TRPC5: variants seen among roughly 807,000 people sequenced by gnomAD.
The protein encoded by TRPC5 is transient receptor potential cation channel subfamily C member 5, also known as short transient receptor potential channel 5.
A neutral mutation model predicts 56.5 loss-of-function variants in TRPC5; 9 were observed. The ratio of observed to expected loss-of-function variants is 0.16; its 90% CI spans 0.10 to 0.28. TRPC5 has a LOEUF of 0.28. TRPC5 is among the 10% of genes least tolerant of loss of function. The pLI, the probability that TRPC5 is intolerant of heterozygous loss-of-function variation, is 1.00. For missense variants in TRPC5, 469 were observed against 748.9 expected (o/e 0.63, Z 4.36); for synonymous variants, 282 against 278.5 (o/e 1.01, Z -0.13).
chrX:111,856,803 A>G (rs1923248236), intron 3 of TRPC5, among the ~76,000 whole-genome samples: 1 of 98,769 alleles, frequency 1.0e-5, no homozygotes, highest in Non-Finnish European at 2.0e-5. Context: ...TGGGCAGCAG[A>G]GCGAGACTCC....
intron 1 of TRPC5, among the ~76,000 whole-genome samples, chrX:112,034,172 C>T (rs763981959): frequency 1.8e-5 from 2 of 111,448 alleles, no homozygotes; most frequent in Non-Finnish European, 3.8e-5. Flanking sequence ...CCAAAAAATG[C>T]CATTGATTTT....
intron 3 of TRPC5, among the ~76,000 whole-genome samples, chrX:111,868,241 G>T (rs1047357860): frequency 4.5e-5 from 5 of 112,061 alleles, no homozygotes; most frequent in African/African-American, 1.6e-4. Context: ...ATGGGCTTTT[G>T]AGAAATAAGC....
chrX:112,006,756 C>A (rs758804075), intron 1 of TRPC5, among the ~76,000 whole-genome samples: 5 of 111,831 alleles, frequency 4.5e-5, no homozygotes, highest in African/African-American at 1.6e-4. Context: ...ATCGGAGAGC[C>A]ATTAGATGCA....
chrX:111,976,825 A>G (rs997428707), intron 1 of TRPC5, among the ~76,000 whole-genome samples: 1 of 110,869 alleles, frequency 9.0e-6, no homozygotes, highest in East Asian at 2.8e-4. Context: ...AATCAGTGGC[A>G]TTTCTATACA....
chrX:111,787,961 T>C (rs188869505), intron 7 of TRPC5, among the ~76,000 whole-genome samples: 22 of 111,924 alleles, frequency 2.0e-4, no homozygotes, highest in Admixed American at 4.7e-4. Context: ...CAGATGGATT[T>C]ACAGCCGAAT....
chrX:111,881,480 A>G (rs1245741839), intron 3 of TRPC5, among the ~76,000 whole-genome samples: 2 of 111,445 alleles, frequency 1.8e-5, no homozygotes, highest in African/African-American at 3.3e-5. Context: ...CTGGCCCGCT[A>G]TGTTTTCAGT....
chrX:112,029,786 G>T (rs1235572755), intron 1 of TRPC5, among the ~76,000 whole-genome samples: 1 of 109,865 alleles, frequency 9.1e-6, no homozygotes, highest in African/African-American at 3.3e-5. Flanking sequence ...CTCAAAATTA[G>T]AAGAAAGGTA....
intron 2 of TRPC5, among the ~76,000 whole-genome samples, chrX:111,942,891 G>A (rs775324144): frequency 6.3e-5 from 7 of 111,622 alleles, no homozygotes; most frequent in Non-Finnish European, 1.1e-4. Context: ...TCCCAAGGTC[G>A]TTCAGTCTGA....
At chrX:111,907,512 C>CG (rs2046921077) in intron 3 of TRPC5, among the ~76,000 whole-genome samples, 1 of 109,859 alleles carries the variant, frequency 9.1e-6, no homozygotes, top group Admixed American at 9.8e-5. Flanking sequence ...GTAGTTCCAG[C>CG]TACTAAGGAG....
At chrX:111,826,784 G>C (rs1159335475) in intron 7 of TRPC5, among the ~76,000 whole-genome samples, 1 of 112,061 alleles carries the variant, frequency 8.9e-6, no homozygotes. Context: ...ACAGACAATG[G>C]GTATGTTGAT....
intron 1 of TRPC5, among the ~76,000 whole-genome samples, chrX:111,953,633 C>T (rs1927152892): frequency 8.9e-6 from 1 of 111,860 alleles, no homozygotes; most frequent in South Asian, 3.8e-4. Context: ...TTAGGATGGA[C>T]CTATTCCAGT....
intron 5 of TRPC5, 70 bp downstream of exon 5, chrX:111,852,228 T>C: frequency 3.0e-6 from 3 of 1,010,947 alleles, no homozygotes; most frequent in African/African-American, 3.8e-5. Flanking sequence ...AAACTCTTTA[T>C]GCTCTCAGTG....
At chrX:111,818,126 T>G (rs1483953939) in intron 7 of TRPC5, among the ~76,000 whole-genome samples, 1 of 111,431 alleles carries the variant, frequency 9.0e-6, no homozygotes, top group Non-Finnish European at 1.9e-5. Context: ...CGCAAGAACC[T>G]CCTTAAAATG....
chrX:111,848,890 T>A (rs151222903), intron 5 of TRPC5, among the ~76,000 whole-genome samples: 180 of 112,245 alleles, frequency 1.6e-3, no homozygotes, highest in African/African-American at 5.6e-3. Flanking sequence ...ATGGAGGAAG[T>A]CCAGATAGGC....
chrX:111,835,418 T>C (rs1922534010), intron 6 of TRPC5, among the ~76,000 whole-genome samples: 1 of 112,420 alleles, frequency 8.9e-6, no homozygotes, highest in African/African-American at 3.2e-5. Context: ...TCTACCAAAC[T>C]TTGTCTTTTG....
chrX:112,000,048 C>T (rs1265713516), intron 1 of TRPC5, among the ~76,000 whole-genome samples: 2 of 112,088 alleles, frequency 1.8e-5, no homozygotes, highest in African/African-American at 6.5e-5. Context: ...AGATAATGCA[C>T]AGGAAGCACT....
At chrX:111,940,917 G>A (rs1482523038) in intron 2 of TRPC5, among the ~76,000 whole-genome samples, 1 of 110,880 alleles carries the variant, frequency 9.0e-6, no homozygotes, top group Non-Finnish European at 1.9e-5. Context: ...GGTCCTGGTG[G>A]GTTTACAGAG....
chrX:111,790,941 A>T (rs771493819), intron 7 of TRPC5, among the ~76,000 whole-genome samples: 221 of 98,500 alleles, frequency 2.2e-3, no homozygotes, highest in Non-Finnish European at 3.9e-3. Flanking sequence ...AATTGCTTGA[A>T]CGCAGGAGGC....
At chrX:111,828,040 A>C (rs1922292944) in intron 7 of TRPC5, among the ~76,000 whole-genome samples, 2 of 112,045 alleles carry the variant, frequency 1.8e-5, no homozygotes, top group Admixed American at 9.5e-5. Flanking sequence ...TCTGGAGAAG[A>C]ATCTGCTTCC....
Sources: allele counts gnomAD v4.1 joint callset (sites outside exome capture counted in the v4.1 genomes callset), GRCh38; gene constraint gnomAD v4.1.1; transcripts MANE v1.5; gene names NCBI Gene and HGNC (gene_info 2026-07-23, HGNC 2026-07-21).